Variants in MCM8 observed in about 807,000 individuals in gnomAD.
MCM8 encodes the protein minichromosome maintenance 8 homologous recombination repair factor.
A neutral mutation model predicts 98.9 loss-of-function variants in MCM8; 85 were observed. That is an observed-to-expected ratio of 0.86 (90% CI 0.72 to 1.03). The LOEUF (loss-of-function observed/expected upper bound fraction) is 1.03, where lower values mean the gene tolerates loss of function less well. MCM8 is among the 50% of genes least tolerant of loss of function. The probability of loss-of-function intolerance (pLI) is 0.00; values close to 1 mark genes in which losing one functional copy is unlikely to be tolerated. For synonymous variants in MCM8, 352 were observed against 338.6 expected (o/e 1.04, Z -0.44); for missense variants, 951 against 997.8 (o/e 0.95, Z 0.63).
intron 17 of MCM8, among the ~76,000 whole-genome samples, chr20:5,988,133 G>A (rs930059625): frequency 2.0e-5 from 3 of 151,568 alleles, no homozygotes; most frequent in Non-Finnish European, 4.4e-5. Flanking sequence ...TTTTTAATAG[G>A]TCCATACTTT....
Position 5,998,362 on chromosome 20 carries a change from T to C in MCM8, c.*3971T>C, listed in dbSNP as rs1190940677. 6.6e-6 allele frequency: 1 copy of C among 152,186 alleles called. No homozygotes were observed. The highest frequency in any genetic ancestry group is 1.5e-5 in the Non-Finnish European group (1 of 68,028). 9.4% of individuals were successfully genotyped at this position (152,186 alleles called of 1,614,324 possible). A position where few individuals can be genotyped will look rare whatever the true frequency, so the allele number is the denominator to read the frequency against. Reference sequence around the variant, plus strand: ...ACTGATCAGACACCCATGTGTGAGATTTGGAATGCAGAACTGAGGAGAGAG... The same window carrying C: ...ACTGATCAGACACCCATGTGTGAGACTTGGAATGCAGAACTGAGGAGAGAG... On this transcript the variant is annotated 3_prime_UTR_variant, in exon 19 of 19. Coordinates refer to ENST00000610722, the MANE Select transcript of MCM8 (RefSeq NM_032485.6).
At chr20:5,978,152 A>G (rs2089552838) in intron 13 of MCM8, 135 bp downstream of exon 13, 1 of 914,236 alleles carries the variant, frequency 1.1e-6, no homozygotes, top group Admixed American at 2.7e-5. Flanking sequence ...TGACACTGTC[A>G]GAAATAATCA....
intron 12 of MCM8, among the ~76,000 whole-genome samples, chr20:5,974,605 C>A (rs901575988): frequency 6.6e-6 from 1 of 152,152 alleles, no homozygotes; most frequent in African/African-American, 2.4e-5. Flanking sequence ...TACCATAGCC[C>A]ACTGCAAGCC....
chr20:5,959,855 T>A (rs1356870625), intron 7 of MCM8, among the ~76,000 whole-genome samples: 1 of 152,114 alleles, frequency 6.6e-6, no homozygotes, highest in African/African-American at 2.4e-5. Flanking sequence ...CGCGCCACCA[T>A]GCCTGGCTAA....
chr20:5,964,971 C>T lies in MCM8; in HGVS notation c.875+1612C>T, dbSNP rs184126660. On this transcript the variant is annotated intron_variant, in intron 8 of 18. Coordinates refer to ENST00000610722, the MANE Select transcript of MCM8 (RefSeq NM_032485.6). Reference sequence around the variant, plus strand: ...TACCATTCTTGTGTCTTTCATCCTTCGCTTTACTGCAGTCATTCTATGTGA... The same window carrying T: ...TACCATTCTTGTGTCTTTCATCCTTTGCTTTACTGCAGTCATTCTATGTGA... 1.4e-3 allele frequency among the ~76,000 whole-genome samples: 220 copies of T among 152,282 alleles called. 3 individuals carry two copies. The highest frequency in any genetic ancestry group is 5.7e-4 in the Non-Finnish European group (39 of 68,018).
intron 13 of MCM8, among the ~76,000 whole-genome samples, chr20:5,979,483 C>A (rs567376099): frequency 1.3e-5 from 2 of 152,206 alleles, no homozygotes; most frequent in Non-Finnish European, 2.9e-5. Context: ...CTTAACATGT[C>A]TAAAATTAAA....
chr20:5,986,733 A>G (rs2089742079), intron 16 of MCM8, among the ~76,000 whole-genome samples: 1 of 152,238 alleles, frequency 6.6e-6, no homozygotes, highest in Non-Finnish European at 1.5e-5. Flanking sequence ...ATCTCCTGAA[A>G]TGATCACTCA....
rs986588203 is a variant in MCM8 at position 5,972,175 on chromosome 20, G to A, written c.1254+138G>A. ...TATGCTTTGTAAATTAATGATATGG[G>A]AGGCAAGCAAACTATAGCTTTTTTT... is the stretch of plus-strand genomic sequence containing the variant. On this transcript the variant is annotated intron_variant, in intron 11 of 18. Transcript: ENST00000610722. The A allele has an allele frequency of 1.1e-5, 6 of 546,708 alleles. No individual in the cohort carries two copies. The African/African-American group carries it at 1.2e-4, about 11-fold the overall frequency. The allele number at this position is 546,708 out of a possible 1,614,324, so 33.9% of individuals were successfully genotyped here.
rs2088795269 is a variant in MCM8 at position 5,950,697 on chromosome 20, G to A, written c.-332G>A. On this transcript the variant is annotated 5_prime_UTR_variant, in exon 1 of 19. Coordinates refer to ENST00000610722, the MANE Select transcript of MCM8 (RefSeq NM_032485.6). ...ACTGAAGCGCCAAAAAAGAATTTAG[G>A]GGAAGACCTGATTTTCGCTTGAGGC... is the stretch of plus-strand genomic sequence containing the variant. 9.2e-6 allele frequency: 3 copies of A among 325,656 alleles called. No homozygotes were observed. Among genetic ancestry groups the A allele is most frequent in the Admixed American group, 9.8e-5 (2 of 20,512 alleles). 20.2% of individuals were successfully genotyped at this position (325,656 alleles called of 1,614,324 possible).
At position 5,967,520 on chromosome 20, in the gene MCM8, G is replaced by C. The variant is rs766631621; in HGVS notation, c.960G>C (p.Val320=). 9.3e-6 allele frequency: 15 copies of C among 1,613,930 alleles called. No individual in the cohort carries two copies. Among genetic ancestry groups the C allele is most frequent in the Non-Finnish European group, 1.3e-5 (15 of 1,179,930 alleles). Residue 320 remains valine (V), a synonymous_variant, in exon 9 of 19, where the codon GTG becomes GTC. Transcript: ENST00000610722. ...TIECELVHDL[V]DSCVPGDTVT... is the part of the protein sequence containing the mutation. Reference sequence around the variant, plus strand: ...AATGTGAGCTTGTTCATGATCTTGTGGATAGCTGTGTCCCGGGAGACACAG... The same window carrying C: ...AATGTGAGCTTGTTCATGATCTTGTCGATAGCTGTGTCCCGGGAGACACAG...
chr20:5,952,256 C>G (rs2088850951), intron 2 of MCM8, 93 bp downstream of exon 2: 1 of 1,567,996 alleles, frequency 6.4e-7, no homozygotes, highest in Non-Finnish European at 8.6e-7. Flanking sequence ...TTCAGTTTGT[C>G]TTTTATTTCA....
rs766334803 is a variant in MCM8 at position 5,985,976 on chromosome 20, A to G, written c.2008A>G (p.Ile670Val). Residue 670 changes from isoleucine to valine, a missense_variant, in exon 16 of 19, where the codon ATT becomes GTT. Transcript: ENST00000610722. ...TCCCCACCAGCTATTGAGAAAGTAC[A>G]TTGGCTATGCTCGGCAGTATGTGTA... ...PIPHQLLRKY[I>V]GYARQYVYPR... The G allele has an allele frequency of 1.4e-5, 22 of 1,614,104 alleles. No homozygotes were observed. In the East Asian group the frequency reaches 4.5e-4, roughly 33 times the overall value.
intron 7 of MCM8, among the ~76,000 whole-genome samples, chr20:5,959,690 CTTTTTTTTTTT>C (rs61232248): frequency 3.1e-5 from 2 of 65,198 alleles, no homozygotes; most frequent in Non-Finnish European, 2.8e-5. Flanking sequence ...GTAGGCTGTA[CTTTTTTTTTTT>C]TTTTTTTTTT....
rs543304627 is a variant in MCM8, at chr20:5,975,592, G to A, written c.1396-2284G>A. Reference sequence around the variant, plus strand: ...GCTCACTGCAAGCTCCGCCTCCCGGGTTCACGCCATTCTCCTGCCTCAGCG... The same window carrying A: ...GCTCACTGCAAGCTCCGCCTCCCGGATTCACGCCATTCTCCTGCCTCAGCG... On this transcript the variant is annotated intron_variant, in intron 12 of 18. Coordinates refer to ENST00000610722, the MANE Select transcript of MCM8 (RefSeq NM_032485.6). Among the ~76,000 whole-genome samples the A allele has an allele frequency of 7.3e-5, 11 of 151,280 alleles. No homozygotes were observed. The East Asian group carries it at 1.7e-3, about 24-fold the overall frequency.
rs1173741343 is a variant in MCM8 at position 5,980,865 on chromosome 20, CTG to C, written c.1538-2103_1538-2102del. On this transcript the variant is annotated intron_variant, in intron 13 of 18. Transcript: ENST00000610722. ...CCAGCCTGGGTAACAGAACGAAACT[CTG>C]TCTCTCAAAAAAAAAAAAAAAAAAA... Among the ~76,000 whole-genome samples the C allele has an allele frequency of 5.1e-5, 7 of 136,064 alleles. No individual in the cohort carries two copies. The East Asian group carries it at 1.5e-3, about 29-fold the overall frequency. The allele number at this position is 136,064 out of a possible 152,430, so 89.3% of individuals were successfully genotyped here.
chr20:5,964,542 A>G (rs2089233266), intron 8 of MCM8: 1 of 152,204 alleles, frequency 6.6e-6, no homozygotes, highest in Non-Finnish European at 1.5e-5. Flanking sequence ...ACAAAGGGTT[A>G]GTCTGGAGGT....
At chr20:5,978,644 A>G (rs1600287170) in intron 13 of MCM8, among the ~76,000 whole-genome samples, 1 of 152,088 alleles carries the variant, frequency 6.6e-6, no homozygotes, top group Non-Finnish European at 1.5e-5. Flanking sequence ...GCTTTCTGCA[A>G]CCTCTGCCTT....
At chr20:5,977,754 A>C in intron 12 of MCM8, 122 bp from the exon 13 acceptor site, 1 of 995,888 alleles carries the variant, frequency 1.0e-6, no homozygotes, top group Non-Finnish European at 1.5e-6. Context: ...GTGATGGTGC[A>C]CCTTGTACAC....
chr20:5,985,231 G>A (rs1426999584), intron 15 of MCM8, among the ~76,000 whole-genome samples: 1 of 152,054 alleles, frequency 6.6e-6, no homozygotes, highest in Non-Finnish European at 1.5e-5. Context: ...GGATCATGAG[G>A]TCAAGAGATC....
Sources: allele counts gnomAD v4.1 joint callset (sites outside exome capture counted in the v4.1 genomes callset), GRCh38; gene constraint gnomAD v4.1.1; transcripts MANE v1.5; gene names NCBI Gene and HGNC (gene_info 2026-07-23, HGNC 2026-07-21).